Variants in PLCXD3 observed in about 807,000 individuals in gnomAD.
The protein encoded by PLCXD3 is phosphatidylinositol specific phospholipase C X domain containing 3.
PLCXD3 carries 19 observed loss-of-function variants against 25.5 expected under a neutral mutation model. That is an observed-to-expected ratio of 0.75 (90% CI 0.52 to 1.09). The LOEUF (loss-of-function observed/expected upper bound fraction) is 1.09, where lower values mean the gene tolerates loss of function less well. PLCXD3 is among the 50% of genes least tolerant of loss of function. The pLI is 0.00. For synonymous variants in PLCXD3, 174 were observed against 137.6 expected (o/e 1.26, Z -1.85); for missense variants, 411 against 388.1 (o/e 1.06, Z -0.50).
chr5:41,452,332 T>A (rs1229537367), intron 1 of PLCXD3, among the ~76,000 whole-genome samples: 1 of 152,062 alleles, frequency 6.6e-6, no homozygotes, highest in Non-Finnish European at 1.5e-5. Context: ...CATAAAGGAA[T>A]ACTAGTTAGA....
At chr5:41,464,382 A>G (rs1161718410) in intron 1 of PLCXD3, among the ~76,000 whole-genome samples, 1 of 152,068 alleles carries the variant, frequency 6.6e-6, no homozygotes, top group Non-Finnish European at 1.5e-5. Context: ...TACATGCACT[A>G]TTGCCTTGTG....
intron 2 of PLCXD3, among the ~76,000 whole-genome samples, chr5:41,366,012 A>G (rs1309825410): frequency 6.6e-6 from 1 of 151,954 alleles, no homozygotes; most frequent in African/African-American, 2.4e-5. Context: ...TTACATATGT[A>G]TACATGTGCC....
chr5:41,475,354 C>T (rs1174805155), intron 1 of PLCXD3, among the ~76,000 whole-genome samples: 1 of 152,072 alleles, frequency 6.6e-6, no homozygotes, highest in Non-Finnish European at 1.5e-5. Flanking sequence ...CCTATAGGAC[C>T]CTATCTGTCC....
intron 1 of PLCXD3, among the ~76,000 whole-genome samples, chr5:41,385,310 A>G (rs1745602899): frequency 6.6e-6 from 1 of 151,986 alleles, no homozygotes; most frequent in East Asian, 1.9e-4. Flanking sequence ...TCTCATCCAC[A>G]GTCTCAAACT....
At chr5:41,363,617 A>G (rs902626834) in intron 2 of PLCXD3, among the ~76,000 whole-genome samples, 1 of 152,208 alleles carries the variant, frequency 6.6e-6, no homozygotes, top group Non-Finnish European at 1.5e-5. Context: ...GTATCTGTTC[A>G]TGAGGAAAGA....
chr5:41,328,175 C>T (rs932037096), intron 2 of PLCXD3, among the ~76,000 whole-genome samples: 2 of 152,096 alleles, frequency 1.3e-5, no homozygotes, highest in Admixed American at 6.5e-5. Context: ...GTTTTACCAT[C>T]TATAAAGTGG....
At chr5:41,331,924 C>A in intron 2 of PLCXD3, among the ~76,000 whole-genome samples, 1 of 152,136 alleles carries the variant, frequency 6.6e-6, no homozygotes, top group African/African-American at 2.4e-5. Context: ...CTTCCTTACA[C>A]CTGATACAAA....
chr5:41,342,455 A>G (rs2150478172), intron 2 of PLCXD3, among the ~76,000 whole-genome samples: 1 of 152,314 alleles, frequency 6.6e-6, no homozygotes, highest in Non-Finnish European at 1.5e-5. Flanking sequence ...AAACTTGTTA[A>G]TAATGGAAGA....
chr5:41,450,925 G>A (rs1328037967), intron 1 of PLCXD3, among the ~76,000 whole-genome samples: 1 of 152,062 alleles, frequency 6.6e-6, no homozygotes, highest in African/African-American at 2.4e-5. Flanking sequence ...AGGAGGAAGA[G>A]GAATAGGAGG....
At chr5:41,373,756 A>G (rs913077727) in intron 2 of PLCXD3, among the ~76,000 whole-genome samples, 2 of 152,112 alleles carry the variant, frequency 1.3e-5, no homozygotes, top group Non-Finnish European at 2.9e-5. Flanking sequence ...ATGCAGTGCC[A>G]TAATGTTAAT....
chr5:41,332,403 C>G (rs1311592881), intron 2 of PLCXD3, among the ~76,000 whole-genome samples: 1 of 152,188 alleles, frequency 6.6e-6, no homozygotes, highest in East Asian at 1.9e-4. Context: ...GATACCATCT[C>G]ACACCAGCTA....
chr5:41,424,897 A>G (rs77708274), intron 1 of PLCXD3, among the ~76,000 whole-genome samples: 2,596 of 152,306 alleles, frequency 0.017, 71 homozygotes, highest in African/African-American at 0.058. Context: ...TTGTCTTGTC[A>G]AATCATACAT....
intron 2 of PLCXD3, among the ~76,000 whole-genome samples, chr5:41,351,482 G>A (rs1744457184): frequency 6.6e-6 from 1 of 152,106 alleles, no homozygotes; most frequent in Non-Finnish European, 1.5e-5. Context: ...GTGGGCTTGT[G>A]GCAGAACAAG....
In PLCXD3 at chr5:41,372,803, G is replaced by A. The variant is rs540778283; in HGVS notation, c.812+9023C>T. 3.3e-5 allele frequency among the ~76,000 whole-genome samples: 5 copies of A among 152,114 alleles called. No individual in the cohort carries two copies. In the South Asian group the frequency reaches 1.0e-3, roughly 32 times the overall value. ...TCATACCTGTAATCACAGCATTTTG[G>A]GAGGCTGAGGCAGGAGGATCACTTG... On this transcript the variant is annotated intron_variant, in intron 2 of 2. Transcript: ENST00000377801.
At chr5:41,344,649 T>C (rs891313760) in intron 2 of PLCXD3, among the ~76,000 whole-genome samples, 3 of 152,108 alleles carry the variant, frequency 2.0e-5, no homozygotes, top group Admixed American at 1.3e-4. Context: ...AGATCATTTA[T>C]GGACAAGAAA....
At chr5:41,489,961 C>A (rs1246881977) in intron 1 of PLCXD3, among the ~76,000 whole-genome samples, 1 of 151,976 alleles carries the variant, frequency 6.6e-6, no homozygotes, top group Non-Finnish European at 1.5e-5. Flanking sequence ...GCCAGAACTT[C>A]CAACACTATG....
intron 2 of PLCXD3, among the ~76,000 whole-genome samples, chr5:41,322,894 A>T (rs2150470630): frequency 6.6e-6 from 1 of 152,106 alleles, no homozygotes; most frequent in Admixed American, 6.5e-5. Flanking sequence ...GAATTGCTTG[A>T]ACCCAGGAGG....
intron 2 of PLCXD3, among the ~76,000 whole-genome samples, chr5:41,338,541 AAGGGGCTCAACTTGAGCATCCTTTTCC>A (rs780823477): frequency 6.6e-6 from 1 of 151,970 alleles, no homozygotes; most frequent in Non-Finnish European, 1.5e-5. Flanking sequence ...GTTTCTTTTC[AAGGGGCTCAACTTGAGCATCCTTTTCC>A]AGGGGCTCAA....
intron 1 of PLCXD3, among the ~76,000 whole-genome samples, chr5:41,490,117 C>T (rs930100429): frequency 3.9e-5 from 6 of 152,140 alleles, no homozygotes; most frequent in African/African-American, 1.4e-4. Context: ...CCATCAATAC[C>T]TAATTTATTG....
Sources: allele counts gnomAD v4.1 joint callset (sites outside exome capture counted in the v4.1 genomes callset), GRCh38; gene constraint gnomAD v4.1.1; transcripts MANE v1.5; gene names NCBI Gene and HGNC (gene_info 2026-07-23, HGNC 2026-07-21).